The following RAB3C variants were observed in gnomAD, a reference collection of about 807,000 sequenced individuals.
RAB3C encodes the protein ras-related protein Rab-3C.
RAB3C carries 17 observed loss-of-function variants against 26.4 expected under a neutral mutation model. The observed-to-expected ratio is 0.64, with a 90% confidence interval of 0.44 to 0.97. The LOEUF (loss-of-function observed/expected upper bound fraction) is 0.97. Among genes scored for constraint, RAB3C ranks in the 50% least tolerant of loss-of-function variants. RAB3C has a pLI of 0.00. For synonymous variants in RAB3C, 91 were observed against 95.9 expected, an observed-to-expected ratio of 0.95 and a Z score of 0.30; for missense variants, 242 against 281.9, an observed-to-expected ratio of 0.86 and a Z score of 1.01.
chr5:58,769,756 AG>A (rs34424076), intron 3 of RAB3C, among the ~76,000 whole-genome samples: 81,705 of 152,022 alleles, frequency 0.54, 22,749 homozygotes, highest in South Asian at 0.67. Context: ...ATCATCTGCA[AG>A]ATTCTTCAAG....
intron 3 of RAB3C, among the ~76,000 whole-genome samples, chr5:58,806,609 G>C (rs559663129): frequency 6.6e-6 from 1 of 152,124 alleles, no homozygotes; most frequent in Non-Finnish European, 1.5e-5. Flanking sequence ...AAAGGCAGAT[G>C]TCCTGTGCAT....
At chr5:58,724,822 C>G (rs896495772) in intron 2 of RAB3C, among the ~76,000 whole-genome samples, 23 of 151,430 alleles carry the variant, frequency 1.5e-4, no homozygotes, top group Admixed American at 9.2e-4. Flanking sequence ...AAAAAAAAAC[C>G]CTCTGCACTT....
In RAB3C at chr5:58,739,535, T is replaced by C. The variant is rs1741231133; in HGVS notation, c.371+13415T>C. ...TAAAAACAAAAAAATAAAGAGACAT[T>C]AAAGGAAACTATTAAAAAAAAATTA... On this transcript the variant is annotated intron_variant, in intron 3 of 4. Transcript: ENST00000282878. 1.3e-5 allele frequency among the ~76,000 whole-genome samples: 2 copies of C among 152,052 alleles called. 1 individual carries two copies. Among genetic ancestry groups the C allele is most frequent in the South Asian group, 4.2e-4 (2 of 4,806 alleles).
At chr5:58,607,449 A>G (rs993829018) in intron 1 of RAB3C, among the ~76,000 whole-genome samples, 1 of 152,226 alleles carries the variant, frequency 6.6e-6, no homozygotes, top group Non-Finnish European at 1.5e-5. Flanking sequence ...AGTGTACCTG[A>G]AAGTGACGGG....
chr5:58,673,718 T>C (rs888452773), intron 2 of RAB3C, among the ~76,000 whole-genome samples: 1 of 152,196 alleles, frequency 6.6e-6, no homozygotes, highest in Non-Finnish European at 1.5e-5. Flanking sequence ...TAAATTACGT[T>C]TCCCAATGAA....
At position 58,617,830 on chromosome 5, in the gene RAB3C, C is replaced by G. The variant is rs1220942661; in HGVS notation, c.212C>G (p.Thr71Ser). The change falls in exon 2 of 5, where the codon ACT becomes AGT. Residue 71 changes from threonine to serine, a missense_variant. Coordinates refer to ENST00000282878, the MANE Select transcript of RAB3C (RefSeq NM_138453.4). ...GTTGGGATCGATTTCAAAGTAAAAA[C>G]TGTATTCAAAAATGAAAAGAGAATC... is the stretch of plus-strand genomic sequence containing the variant. ...STVGIDFKVK[T>S]VFKNEKRIKL... 6.2e-7 allele frequency: 1 copy of G among 1,612,594 alleles called. No individual in the cohort carries two copies. The highest frequency in any genetic ancestry group is 8.5e-7 in the Non-Finnish European group (1 of 1,178,988).
At chr5:58,822,972 C>T (rs967076316) in intron 3 of RAB3C, 1 of 627,974 alleles carries the variant, frequency 1.6e-6, no homozygotes, top group Admixed American at 1.8e-5. Flanking sequence ...AGAACCATCA[C>T]TGGCAATAAA....
intron 1 of RAB3C, among the ~76,000 whole-genome samples, chr5:58,602,003 C>T (rs1297319242): frequency 1.3e-5 from 2 of 152,036 alleles, no homozygotes; most frequent in Non-Finnish European, 2.9e-5. Context: ...GAACTTTCCT[C>T]TTAGTACTGC....
At chr5:58,843,362 A>G (rs1163646383) in intron 4 of RAB3C, among the ~76,000 whole-genome samples, 1 of 152,252 alleles carries the variant, frequency 6.6e-6, no homozygotes, top group Non-Finnish European at 1.5e-5. Context: ...CTAAACAGAC[A>G]GAAGTTATCA....
chr5:58,649,713 C>A (rs1472527507), intron 2 of RAB3C, among the ~76,000 whole-genome samples: 1 of 152,168 alleles, frequency 6.6e-6, no homozygotes, highest in Non-Finnish European at 1.5e-5. Context: ...CGATTTCCCT[C>A]TCAGTCTTCC....
chr5:58,638,590 A>G (rs1243520936), intron 2 of RAB3C, among the ~76,000 whole-genome samples: 1 of 152,208 alleles, frequency 6.6e-6, no homozygotes, highest in Non-Finnish European at 1.5e-5. Flanking sequence ...ACTCACATAG[A>G]TATATGTTAG....
At chr5:58,768,438 G>T (rs954684438) in intron 3 of RAB3C, among the ~76,000 whole-genome samples, 1 of 42,168 alleles carries the variant, frequency 2.4e-5, no homozygotes, top group African/African-American at 4.9e-5. Flanking sequence ...CCACAAACAG[G>T]TGTAGCTGGG....
chr5:58,698,506 G>A (rs1261220047), intron 2 of RAB3C, among the ~76,000 whole-genome samples: 5 of 152,086 alleles, frequency 3.3e-5, no homozygotes, highest in African/African-American at 4.8e-5. Flanking sequence ...CCTGGATAAT[G>A]CCCTGAAGTG....
At chr5:58,777,750 C>G (rs564444548) in intron 3 of RAB3C, among the ~76,000 whole-genome samples, 1 of 149,990 alleles carries the variant, frequency 6.7e-6, no homozygotes, top group South Asian at 2.2e-4. Flanking sequence ...CTCCCCTCCC[C>G]CCACCCCATG....
chr5:58,688,175 A>G (rs1420961376), intron 2 of RAB3C, among the ~76,000 whole-genome samples: 2 of 152,072 alleles, frequency 1.3e-5, no homozygotes, highest in Non-Finnish European at 2.9e-5. Flanking sequence ...AATCTCGTAA[A>G]GATGTTGTTG....
chr5:58,727,512 T>C (rs1740918609), intron 3 of RAB3C, among the ~76,000 whole-genome samples: 1 of 151,974 alleles, frequency 6.6e-6, no homozygotes, highest in South Asian at 2.1e-4. Context: ...GCAATCTTAA[T>C]TAAATACAGC....
At chr5:58,748,938 C>T (rs1741462608) in intron 3 of RAB3C, among the ~76,000 whole-genome samples, 1 of 152,080 alleles carries the variant, frequency 6.6e-6, no homozygotes, top group South Asian at 2.1e-4. Flanking sequence ...TTTCTCCATC[C>T]CTGTTTTCCT....
At chr5:58,810,366 T>TCC (rs1743041997) in intron 3 of RAB3C, among the ~76,000 whole-genome samples, 1 of 98,106 alleles carries the variant, frequency 1.0e-5, no homozygotes, top group South Asian at 3.6e-4. Flanking sequence ...CTCTGTGTGC[T>TCC]CTCTCTCTCT....
chr5:58,762,816 A>G (rs1468013307), intron 3 of RAB3C, among the ~76,000 whole-genome samples: 1 of 152,242 alleles, frequency 6.6e-6, no homozygotes, highest in Non-Finnish European at 1.5e-5. Context: ...CCATCTGAGG[A>G]AACTACAATA....
Sources: gnomAD v4.1 joint callset for allele counts (sites outside exome capture counted in the v4.1 genomes callset) on GRCh38, gnomAD v4.1.1 for gene constraint, MANE v1.5 for transcripts, NCBI Gene and HGNC (gene_info 2026-07-23, HGNC 2026-07-21) for gene names.